The following SLC25A48 variants were observed in gnomAD, a reference collection of about 807,000 sequenced individuals.
SLC25A48 encodes the protein CTC-321K16.1.
In SLC25A48, 29 loss-of-function variants were observed where a neutral mutation model predicts 32.2. The observed-to-expected ratio is 0.90, with a 90% confidence interval of 0.67 to 1.23. The LOEUF (loss-of-function observed/expected upper bound fraction) is 1.23, where lower values mean the gene tolerates loss of function less well. Ranked by LOEUF, SLC25A48 falls within the 50% of genes most tolerant of loss-of-function variation. SLC25A48 has a pLI of 0.00. For missense variants in SLC25A48, 399 were observed against 422.7 expected (o/e 0.94, Z 0.49); for synonymous variants, 164 against 172.3 (o/e 0.95, Z 0.38).
intron 4 of SLC25A48, among the ~76,000 whole-genome samples, chr5:135,817,477 TCCAAATGGAAA>T (rs1376248256): frequency 6.6e-6 from 1 of 152,134 alleles, no homozygotes; most frequent in African/African-American, 2.4e-5. Context: ...ACAATAGCTA[TCCAAATGGAAA>T]ATATAGATAA....
chr5:135,625,134 T>A (rs1255853253), intron 1 of SLC25A48, among the ~76,000 whole-genome samples: 4 of 151,790 alleles, frequency 2.6e-5, no homozygotes, highest in Non-Finnish European at 5.9e-5. Context: ...TGGGGAAGGG[T>A]GCAGCCCTGA....
In SLC25A48 at chr5:135,796,246, G is replaced by A. The variant is rs145724541; in HGVS notation, c.-520-16277G>A. On this transcript the variant is annotated intron_variant, in intron 3 of 10. Transcript: ENST00000646290. ...AATATTACTCTCCATATCACGGGGG[G>A]AGTACATCACGCCGCGATGTGGTTC... 5.4e-3 allele frequency among the ~76,000 whole-genome samples: 812 copies of A among 151,542 alleles called. 8 individuals carry two copies. The highest frequency in any genetic ancestry group is 0.018 in the African/African-American group (753 of 41,308).
At chr5:135,752,225 T>C (rs1755787126) in intron 3 of SLC25A48, among the ~76,000 whole-genome samples, 1 of 152,090 alleles carries the variant, frequency 6.6e-6, no homozygotes, top group Non-Finnish European at 1.5e-5. Flanking sequence ...TTTAAGAGAA[T>C]AAAAGGACAA....
chr5:135,830,054 C>T (rs1249337982), upstream of SLC25A48, among the ~76,000 whole-genome samples: 1 of 152,194 alleles, frequency 6.6e-6, no homozygotes, highest in Non-Finnish European at 1.5e-5. Context: ...ACACAGTACT[C>T]AAACACCTTA....
chr5:135,690,981 C>T (rs1461802056), intron 3 of SLC25A48, among the ~76,000 whole-genome samples: 2 of 151,904 alleles, frequency 1.3e-5, no homozygotes, highest in Non-Finnish European at 2.9e-5. Context: ...TTGAGGATCC[C>T]CAACTGAGTT....
chr5:135,758,348 C>G (rs1011462333), intron 3 of SLC25A48, among the ~76,000 whole-genome samples: 5 of 150,626 alleles, frequency 3.3e-5, no homozygotes, highest in Non-Finnish European at 7.4e-5. Flanking sequence ...AATATCATCT[C>G]TATGATATCT....
At chr5:135,662,180 A>G (rs1753418845) in intron 3 of SLC25A48, among the ~76,000 whole-genome samples, 1 of 152,068 alleles carries the variant, frequency 6.6e-6, no homozygotes, top group Non-Finnish European at 1.5e-5. Context: ...CATTTCTCTA[A>G]TCATTAGAAT....
intron 1 of SLC25A48, among the ~76,000 whole-genome samples, chr5:135,583,171 A>AGTGTGTGTGT (rs35679412): frequency 0.18 from 26,471 of 150,186 alleles, 2,283 homozygotes; most frequent in East Asian, 0.34. Context: ...CATGTGAGAA[A>AGTGTGTGTGT]GTGTGTGTGC....
chr5:135,765,876 CA>C (rs1756204313), intron 3 of SLC25A48, among the ~76,000 whole-genome samples: 1 of 138,474 alleles, frequency 7.2e-6, no homozygotes, highest in African/African-American at 2.7e-5. Context: ...CCCCACATTG[CA>C]GGGGGCATAC....
At chr5:135,858,207 G>C (rs1050218044) in intron 4 of SLC25A48, among the ~76,000 whole-genome samples, 4 of 152,220 alleles carry the variant, frequency 2.6e-5, no homozygotes, top group African/African-American at 9.6e-5. Flanking sequence ...CAGGAGACCA[G>C]CCTTTTGGGA....
intron 4 of SLC25A48, among the ~76,000 whole-genome samples, chr5:135,858,956 T>A (rs1760559389): frequency 6.6e-6 from 1 of 151,996 alleles, no homozygotes; most frequent in South Asian, 2.1e-4. Context: ...GATCAACTAC[T>A]GGAGAAGGGA....
chr5:135,719,858 G>A (rs1370186593), intron 3 of SLC25A48, among the ~76,000 whole-genome samples: 1 of 152,136 alleles, frequency 6.6e-6, no homozygotes, highest in Non-Finnish European at 1.5e-5. Context: ...GCCATCTCCT[G>A]CAGTAGAGAT....
intron 3 of SLC25A48, among the ~76,000 whole-genome samples, chr5:135,775,814 G>A (rs1268224438): frequency 1.3e-5 from 2 of 151,772 alleles, no homozygotes; most frequent in Non-Finnish European, 2.9e-5. Flanking sequence ...GGGAGAGGAT[G>A]CTATTACGCC....
rs574709139 is a variant in SLC25A48, at chr5:135,735,685, C to T, written c.-520-76838C>T. Among the ~76,000 whole-genome samples the T allele has an allele frequency of 3.9e-5, 6 of 152,042 alleles. No homozygotes were observed. In the East Asian group the frequency reaches 5.8e-4, roughly 15 times the overall value. On this transcript the variant is annotated intron_variant, in intron 3 of 10. Transcript: ENST00000646290. ...CTGGAGGTCTGGTTCATGGAGCCAGCGGTTGTCAGTGTGAGATTGGGCCAG... is the reference window on the plus strand; with the variant it reads ...CTGGAGGTCTGGTTCATGGAGCCAGTGGTTGTCAGTGTGAGATTGGGCCAG...
At chr5:135,820,459 T>C (rs1757855774) in intron 4 of SLC25A48, among the ~76,000 whole-genome samples, 1 of 152,216 alleles carries the variant, frequency 6.6e-6, no homozygotes, top group Admixed American at 6.5e-5. Flanking sequence ...GAGGTTGTTA[T>C]TTGGTGTATA....
At chr5:135,800,911 A>G (rs1224391890) in intron 3 of SLC25A48, among the ~76,000 whole-genome samples, 1 of 149,720 alleles carries the variant, frequency 6.7e-6, no homozygotes, top group Non-Finnish European at 1.5e-5. Context: ...GGGCGTGTAC[A>G]CCCCTCTGTG....
chr5:135,880,181 T>C, intron 7 of SLC25A48, 84 bp downstream of exon 7: 1 of 1,467,218 alleles, frequency 6.8e-7, no homozygotes, highest in Non-Finnish European at 9.0e-7. Flanking sequence ...TGTTGTGGCC[T>C]TCTGAAATGT....
At chr5:135,626,454 C>T (rs1231891834) in intron 1 of SLC25A48, among the ~76,000 whole-genome samples, 2 of 152,148 alleles carry the variant, frequency 1.3e-5, no homozygotes. Flanking sequence ...AACATTGAGC[C>T]CTCAAGCCAA....
At position 135,580,180 on chromosome 5, in the gene SLC25A48, G is replaced by A. The variant is rs535034636; in HGVS notation, c.-849+583G>A. ...CTGAGAGAAGAAATAACTTGTCCAA[G>A]GTCACAGAGCTAGGAAGCAGGTGAC... On this transcript the variant is annotated intron_variant, in intron 1 of 10. Coordinates refer to the SLC25A48 transcript ENST00000646290. Among the ~76,000 whole-genome samples, 4 of 152,284 alleles carry A rather than the reference G, an allele frequency of 2.6e-5. No individual in the cohort carries two copies. The South Asian group carries it at 8.3e-4, about 32-fold the overall frequency.
Sources: gnomAD v4.1 joint callset for allele counts (sites outside exome capture counted in the v4.1 genomes callset) on GRCh38, gnomAD v4.1.1 for gene constraint, MANE v1.5 for transcripts, NCBI Gene and HGNC (gene_info 2026-07-23, HGNC 2026-07-21) for gene names.